ABLIM2: variants seen among roughly 807,000 people sequenced by gnomAD.
ABLIM2 encodes the protein actin binding LIM protein family member 2.
ABLIM2 carries 53 observed loss-of-function variants against 97.7 expected under a neutral mutation model. The ratio of observed to expected loss-of-function variants is 0.54; its 90% CI spans 0.44 to 0.68. ABLIM2 has a LOEUF of 0.68. ABLIM2 is among the 30% of genes least tolerant of loss of function. The pLI, the probability that ABLIM2 is intolerant of heterozygous loss-of-function variation, is 0.00. For missense variants in ABLIM2, 835 were observed against 867.2 expected (o/e 0.96, Z 0.47); for synonymous variants, 361 against 345.8 (o/e 1.04, Z -0.49).
chr4:7,976,054 C>T (rs1230549887), intron 20 of ABLIM2, among the ~76,000 whole-genome samples: 6 of 152,226 alleles, frequency 3.9e-5, no homozygotes, highest in Non-Finnish European at 7.3e-5. Flanking sequence ...TCTTATTCCT[C>T]CCTAGGCCCT....
Position 7,966,846 on chromosome 4 carries a change from C to A in ABLIM2, c.*144G>T, listed in dbSNP as rs555650525. ...GAGTGTCGCCGGCAGGTGCAGGGGC[C>A]GCACCTGCTGGGGGACCCCCTCCCG... is the stretch of plus-strand genomic sequence containing the variant. On this transcript the variant is annotated 3_prime_UTR_variant, in exon 21 of 21. Transcript: ENST00000447017. The A allele has an allele frequency of 8.6e-6, 5 of 582,696 alleles. No individual in the cohort carries two copies. In the East Asian group the frequency reaches 1.5e-4, roughly 18 times the overall value. 36.1% of individuals were successfully genotyped at this position (582,696 alleles called of 1,614,324 possible).
In ABLIM2 at chr4:7,992,829, G is replaced by C. The variant is rs761161566; in HGVS notation, c.1680+37C>G. The stretch of plus-strand genomic sequence containing the variant: ...AAACGTGCTCAGCCTCACAGCAATC[G>C]TTAGTACCCTGTGGCCAGGGAGGGG... On this transcript the variant is annotated intron_variant, in intron 17 of 20. Transcript: ENST00000447017. This position sits in a 1 kb window ranked among gnomAD's most constrained non-coding sequence, Gnocchi z 5.7. The C allele has an allele frequency of 1.9e-6, 3 of 1,600,816 alleles. No homozygotes were observed. Among genetic ancestry groups the C allele is most frequent in the Non-Finnish European group, 2.6e-6 (3 of 1,171,050 alleles).
Position 8,083,027 on chromosome 4 carries a change from G to A in ABLIM2, c.455-2225C>T, listed in dbSNP as rs1349090743. ...TTTTGATTGTCATAACTTGGAGGGGGTTCCAGGCATCTAGTGGGCAGTGGA... is the reference window on the plus strand; with the variant it reads ...TTTTGATTGTCATAACTTGGAGGGGATTCCAGGCATCTAGTGGGCAGTGGA... On this transcript the variant is annotated intron_variant, in intron 4 of 20. Transcript: ENST00000447017. The surrounding 1 kb of genome is among the most constrained non-coding windows in gnomAD (Gnocchi z 4.6). Among the ~76,000 whole-genome samples, 2 of 152,170 alleles carry A rather than the reference G, an allele frequency of 1.3e-5. No individual in the cohort carries two copies. Among genetic ancestry groups the A allele is most frequent in the African/African-American group, 4.8e-5 (2 of 41,454 alleles).
rs527892955 is a variant in ABLIM2 at position 8,022,460 on chromosome 4, G to C, written c.1268-2157C>G. ...TCATCAGATACTTGGAGGGGCCTGA[G>C]GCCGCAGGGAAGCTGGGGACACAGC... On this transcript the variant is annotated intron_variant, in intron 12 of 20. Coordinates refer to ENST00000447017, the MANE Select transcript of ABLIM2 (RefSeq NM_001130083.2). The surrounding 1 kb of genome is among the most constrained non-coding windows in gnomAD (Gnocchi z 7.8). Among the ~76,000 whole-genome samples, 2 of 152,226 alleles carry C rather than the reference G, an allele frequency of 1.3e-5. No individual in the cohort carries two copies. Among genetic ancestry groups the C allele is most frequent in the African/African-American group, 2.4e-5 (1 of 41,464 alleles).
intron 20 of ABLIM2, among the ~76,000 whole-genome samples, chr4:7,971,488 G>T (rs1285385787): frequency 6.6e-6 from 1 of 152,162 alleles, no homozygotes; most frequent in Admixed American, 6.5e-5. Flanking sequence ...CATGGCAGGG[G>T]GACTGCCTCA....
chr4:8,019,806 A>T lies in ABLIM2; in HGVS notation c.1370-135T>A. The T allele has an allele frequency of 1.2e-6, 1 of 841,508 alleles. No individual in the cohort carries two copies. Among genetic ancestry groups the T allele is most frequent in the Non-Finnish European group, 1.9e-6 (1 of 532,398 alleles). 52.1% of individuals were successfully genotyped at this position (841,508 alleles called of 1,614,324 possible). ...AATCATCAGGCAGGAACTGGCACCC[A>T]GCGAGCGACAGACACCCAGGCCCCA... On this transcript the variant is annotated intron_variant, in intron 13 of 20. Coordinates refer to ENST00000447017, the MANE Select transcript of ABLIM2 (RefSeq NM_001130083.2). This position sits in a 1 kb window ranked among gnomAD's most constrained non-coding sequence, Gnocchi z 4.3.
chr4:8,006,734 C>T (rs752480825), intron 16 of ABLIM2, among the ~76,000 whole-genome samples: 2 of 152,194 alleles, frequency 1.3e-5, no homozygotes, highest in African/African-American at 4.8e-5. Context: ...GACTGGCATG[C>T]AGCTGCCCAC....
intron 1 of ABLIM2, among the ~76,000 whole-genome samples, chr4:8,145,745 TACACACAC>T (rs34195989): frequency 0.025 from 3,494 of 138,656 alleles, 64 homozygotes; most frequent in Admixed American, 0.045. Context: ...TACACACTCA[TACACACAC>T]ACACACACAC....
intron 6 of ABLIM2, chr4:8,066,814 G>C (rs185180428): frequency 1.3e-5 from 2 of 152,286 alleles, no homozygotes; most frequent in Admixed American, 6.5e-5. Flanking sequence ...AAAAGTTTTG[G>C]AACTAGAGAG....
intron 1 of ABLIM2, among the ~76,000 whole-genome samples, chr4:8,138,451 GCTAC>G (rs1850485308): frequency 1.3e-5 from 2 of 152,146 alleles, no homozygotes; most frequent in South Asian, 4.1e-4. Context: ...GAGGCATCAT[GCTAC>G]CTGACTTCAA....
intron 9 of ABLIM2, among the ~76,000 whole-genome samples, chr4:8,041,037 C>A (rs1054519076): frequency 2.0e-5 from 3 of 152,186 alleles, no homozygotes; most frequent in Non-Finnish European, 4.4e-5. Flanking sequence ...AGCCGGGAGA[C>A]TGGATTAATT....
chr4:8,071,914 T>C lies in ABLIM2; in HGVS notation c.675+5714A>G. The C allele has an allele frequency of 1.0e-6, 1 of 985,420 alleles. No individual in the cohort carries two copies. Among genetic ancestry groups the C allele is most frequent in the South Asian group, 4.7e-5 (1 of 21,282 alleles). 61.0% of individuals were successfully genotyped at this position (985,420 alleles called of 1,614,324 possible). ...CCTGCTGCGCCCTGGGAGTCCACTG[T>C]CACCCAGCGGGGCACCGGCACACTG... is the stretch of plus-strand genomic sequence containing the variant. On this transcript the variant is annotated intron_variant, in intron 6 of 20. Coordinates refer to ENST00000447017, the MANE Select transcript of ABLIM2 (RefSeq NM_001130083.2). The surrounding 1 kb of genome is among the most constrained non-coding windows in gnomAD (Gnocchi z 6.2).
At chr4:8,028,631 T>C (rs1360689852) in intron 11 of ABLIM2, among the ~76,000 whole-genome samples, 2 of 150,962 alleles carry the variant, frequency 1.3e-5, no homozygotes, top group Non-Finnish European at 3.0e-5. Flanking sequence ...GCTCACTCAT[T>C]CAATCACTCA....
rs1161606648 is a variant in ABLIM2 at position 8,061,847 on chromosome 4, G to GA, written c.676-794dup. ...CTGAATTTATAATAACCAGTTTCCT[G>GA]AATCAGTAAGTAAAGGGCTGAAATG... On this transcript the variant is annotated intron_variant, in intron 6 of 20. Transcript: ENST00000447017. The surrounding 1 kb of genome is among the most constrained non-coding windows in gnomAD (Gnocchi z 4.5). Among the ~76,000 whole-genome samples the GA allele has an allele frequency of 6.6e-6, 1 of 152,082 alleles. No homozygotes were observed. Among genetic ancestry groups the GA allele is most frequent in the Non-Finnish European group, 1.5e-5 (1 of 68,012 alleles).
At chr4:8,042,578 C>T (rs530886226) in intron 9 of ABLIM2, among the ~76,000 whole-genome samples, 18 of 152,318 alleles carry the variant, frequency 1.2e-4, no homozygotes, top group African/African-American at 3.1e-4. Context: ...CAGCGGCTCA[C>T]GCCTGTAACC....
intron 6 of ABLIM2, among the ~76,000 whole-genome samples, chr4:8,065,990 G>A (rs1403668265): frequency 7.1e-6 from 1 of 140,682 alleles, no homozygotes; most frequent in East Asian, 2.3e-4. Flanking sequence ...GGAGGGCAGG[G>A]GAGGGGAGGG....
intron 14 of ABLIM2, among the ~76,000 whole-genome samples, chr4:8,017,326 A>C (rs1770122108): frequency 6.7e-6 from 1 of 148,482 alleles, no homozygotes; most frequent in Non-Finnish European, 1.5e-5. Flanking sequence ...AGAGAGTCTC[A>C]CTCTGTCACC....
chr4:8,036,117 G>C, intron 10 of ABLIM2, 32 bp downstream of exon 10: 1 of 1,610,102 alleles, frequency 6.2e-7, no homozygotes. Flanking sequence ...TGGGGACACA[G>C]GTGTCCAGGG....
At chr4:8,078,610 C>T (rs968872430) in intron 5 of ABLIM2, among the ~76,000 whole-genome samples, 3 of 152,208 alleles carry the variant, frequency 2.0e-5, no homozygotes, top group South Asian at 2.1e-4. Flanking sequence ...TGGCCACACT[C>T]GGTGTGGGGA....
Sources: gnomAD v4.1 joint callset for allele counts (sites outside exome capture counted in the v4.1 genomes callset) on GRCh38, gnomAD v4.1.1 for gene constraint, Gnocchi (gnomAD v3.1) non-coding constraint, MANE v1.5 for transcripts, NCBI Gene and HGNC (gene_info 2026-07-23, HGNC 2026-07-21) for gene names.